MACROD2: variants seen among roughly 807,000 people sequenced by gnomAD.
The protein encoded by MACROD2 is mono-ADP ribosylhydrolase 2, also known as ADP-ribose glycohydrolase MACROD2.
MACROD2 carries 36 observed loss-of-function variants against 70.4 expected under a neutral mutation model. That is an observed-to-expected ratio of 0.51 (90% CI 0.39 to 0.68). The LOEUF is 0.68. Ranked by LOEUF, MACROD2 falls within the 30% of genes least tolerant of loss-of-function variation. The probability of loss-of-function intolerance (pLI) is 0.00; values close to 1 mark genes in which losing one functional copy is unlikely to be tolerated. For missense variants in MACROD2, 496 were observed against 538.4 expected, an observed-to-expected ratio of 0.92 and a Z score of 0.78; for synonymous variants, 172 against 178.8, an observed-to-expected ratio of 0.96 and a Z score of 0.30.
intron 5 of MACROD2, among the ~76,000 whole-genome samples, chr20:15,222,895 C>T (rs1250342828): frequency 2.0e-5 from 3 of 152,176 alleles, no homozygotes; most frequent in Non-Finnish European, 4.4e-5. Flanking sequence ...AATTCTACTG[C>T]TTTCAATATT....
intron 6 of MACROD2, among the ~76,000 whole-genome samples, chr20:15,244,284 G>C (rs1290649369): frequency 6.6e-6 from 1 of 152,156 alleles, no homozygotes; most frequent in Non-Finnish European, 1.5e-5. Flanking sequence ...TATTTTGCTG[G>C]TTAATGAGAC....
intron 15 of MACROD2, among the ~76,000 whole-genome samples, chr20:16,005,536 G>C (rs139233925): frequency 1.3e-5 from 2 of 152,310 alleles, no homozygotes; most frequent in African/African-American, 4.8e-5. Flanking sequence ...AATTGCCTTT[G>C]AGGACCAGAG....
chr20:15,303,160 CT>C (rs774383197), intron 6 of MACROD2, among the ~76,000 whole-genome samples: 1 of 152,100 alleles, frequency 6.6e-6, no homozygotes, highest in Non-Finnish European at 1.5e-5. Flanking sequence ...ACTAATTTTT[CT>C]CTTTGACATC....
chr20:16,000,585 T>C (rs888936517), intron 15 of MACROD2, among the ~76,000 whole-genome samples: 4 of 152,196 alleles, frequency 2.6e-5, no homozygotes, highest in Admixed American at 2.6e-4. Flanking sequence ...AGAATAATAG[T>C]TTAAGTTTCC....
At chr20:14,650,957 C>G (rs1424536258) in intron 4 of MACROD2, among the ~76,000 whole-genome samples, 2 of 152,008 alleles carry the variant, frequency 1.3e-5, no homozygotes, top group Non-Finnish European at 2.9e-5. Context: ...AAATTATATA[C>G]ATAATGTGGA....
At chr20:14,472,500 T>A (rs917099598) in intron 3 of MACROD2, among the ~76,000 whole-genome samples, 2 of 152,204 alleles carry the variant, frequency 1.3e-5, no homozygotes, top group African/African-American at 4.8e-5. Context: ...ATAGCCTATT[T>A]ATTAATGTGG....
At chr20:15,597,071 G>A (rs6043384) in intron 8 of MACROD2, among the ~76,000 whole-genome samples, 11,115 of 152,210 alleles carry the variant, frequency 0.073, 1,245 homozygotes, top group African/African-American at 0.24. Flanking sequence ...TGAAAGGATT[G>A]TGGAAAGTTG....
intron 5 of MACROD2, among the ~76,000 whole-genome samples, chr20:15,219,948 C>T (rs901712673): frequency 7.9e-6 from 1 of 127,384 alleles, no homozygotes; most frequent in Non-Finnish European, 1.6e-5. Flanking sequence ...CTTATTTAAT[C>T]ATCTCCTGAA....
At chr20:15,966,031 A>T (rs1024354109) in intron 12 of MACROD2, among the ~76,000 whole-genome samples, 2 of 152,212 alleles carry the variant, frequency 1.3e-5, no homozygotes, top group African/African-American at 4.8e-5. Context: ...TCACTTGTCC[A>T]TCAAATGTTG....
chr20:15,922,060 TC>T lies in MACROD2; in HGVS notation c.776-11214del, dbSNP rs1399874397. ...CACCTCAGTATTGGCAGGACAAGCA[TC>T]CTGTTGAGACCAGAAAAAGCCCTCA... On this transcript the variant is annotated intron_variant, in intron 10 of 17. Transcript: ENST00000684519. Among the ~76,000 whole-genome samples the T allele has an allele frequency of 2.0e-5, 3 of 152,134 alleles. No individual in the cohort carries two copies. In the East Asian group the frequency reaches 5.8e-4, roughly 29 times the overall value.
At chr20:14,177,154 T>C (rs1325774131) in intron 3 of MACROD2, among the ~76,000 whole-genome samples, 1 of 152,166 alleles carries the variant, frequency 6.6e-6, no homozygotes, top group East Asian at 1.9e-4. Flanking sequence ...GAAACTATTT[T>C]ATGGAATTAG....
At chr20:14,044,014 A>C (rs1469492322) in intron 2 of MACROD2, among the ~76,000 whole-genome samples, 1 of 152,244 alleles carries the variant, frequency 6.6e-6, no homozygotes, top group African/African-American at 2.4e-5. Flanking sequence ...CGAGAAAGAC[A>C]CTGTGTCCTG....
At chr20:15,410,270 T>A (rs1308319625) in intron 6 of MACROD2, among the ~76,000 whole-genome samples, 2 of 152,216 alleles carry the variant, frequency 1.3e-5, no homozygotes, top group Non-Finnish European at 1.5e-5. Context: ...TTTTTAGTAC[T>A]TACGACTATC....
chr20:15,835,515 G>A (rs929327144), intron 8 of MACROD2, among the ~76,000 whole-genome samples: 1 of 151,940 alleles, frequency 6.6e-6, no homozygotes, highest in East Asian at 1.9e-4. Context: ...CAGATGATTG[G>A]TATGCAATTA....
At chr20:14,756,693 A>G (rs143778184) in intron 5 of MACROD2, among the ~76,000 whole-genome samples, 1 of 151,962 alleles carries the variant, frequency 6.6e-6, no homozygotes, top group East Asian at 1.9e-4. Context: ...CCATGAGAAC[A>G]AAAAAAGACA....
At chr20:14,904,825 A>G (rs1229797899) in intron 5 of MACROD2, 3 of 152,216 alleles carry the variant, frequency 2.0e-5, no homozygotes, top group East Asian at 1.9e-4. Flanking sequence ...GCTCAATGGC[A>G]TATATTATGC....
At chr20:14,818,868 G>A (rs564280469) in intron 5 of MACROD2, among the ~76,000 whole-genome samples, 1 of 132,002 alleles carries the variant, frequency 7.6e-6, no homozygotes, top group African/African-American at 3.0e-5. Context: ...GGAGATAGAG[G>A]TGGCTGCTGT....
intron 6 of MACROD2, among the ~76,000 whole-genome samples, chr20:15,343,840 T>A (rs1160747761): frequency 6.6e-6 from 1 of 152,196 alleles, no homozygotes; most frequent in African/African-American, 2.4e-5. Flanking sequence ...ACATCCGTCA[T>A]GTTACTACAC....
At chr20:15,619,356 G>A (rs2049092022) in intron 8 of MACROD2, 1 of 190,000 alleles carries the variant, frequency 5.3e-6, no homozygotes, top group East Asian at 1.6e-4. Context: ...ACAGCTTGGA[G>A]GTTAGAGGCA....
Sources: allele counts gnomAD v4.1 joint callset (sites outside exome capture counted in the v4.1 genomes callset), GRCh38; gene constraint gnomAD v4.1.1; transcripts MANE v1.5; gene names NCBI Gene and HGNC (gene_info 2026-07-23, HGNC 2026-07-21).